ELAPOR2: variants seen among roughly 807,000 people sequenced by gnomAD.
The protein encoded by ELAPOR2 is endosome-lysosome associated apoptosis and autophagy regulator family member 2, also known as endosome/lysosome-associated apoptosis and autophagy regulator family member 2.
A neutral mutation model predicts 120.7 loss-of-function variants in ELAPOR2; 89 were observed. The ratio of observed to expected loss-of-function variants is 0.74; its 90% CI spans 0.62 to 0.88. ELAPOR2 has a LOEUF of 0.88. Among genes scored for constraint, ELAPOR2 ranks in the 40% least tolerant of loss-of-function variants. The probability of loss-of-function intolerance (pLI) is 0.00; values close to 1 mark genes in which losing one functional copy is unlikely to be tolerated. For missense variants in ELAPOR2, 1,134 were observed against 1,251.6 expected, an observed-to-expected ratio of 0.91 and a Z score of 1.42; for synonymous variants, 444 against 444.9, an observed-to-expected ratio of 1.00 and a Z score of 0.03.
rs1354462065 is a variant in ELAPOR2, at chr7:86,878,772, C to T, written c.*1699G>A. On this transcript the variant is annotated 3_prime_UTR_variant, in exon 22 of 22. Transcript: ENST00000450689. ...CAACATAATGTCTTCTTTATAAGAA[C>T]ATTCAAGAAATTAAATGCAAAAAAA... 4 of 152,126 alleles carry T rather than the reference C, an allele frequency of 2.6e-5. No individual in the cohort carries two copies. The highest frequency in any genetic ancestry group is 9.7e-5 in the African/African-American group (4 of 41,448). 9.4% of individuals were successfully genotyped at this position (152,126 alleles called of 1,614,324 possible). A position where few individuals can be genotyped will look rare whatever the true frequency, so the allele number is the denominator to read the frequency against.
chr7:86,908,483 G>A lies in ELAPOR2; in HGVS notation c.2420C>T (p.Pro807Leu). 3.2e-6 allele frequency: 5 copies of A among 1,587,250 alleles called. No individual in the cohort carries two copies. Among genetic ancestry groups the A allele is most frequent in the Non-Finnish European group, 4.3e-6 (5 of 1,165,422 alleles). ...ATGCACATCTGGTATTTGGCTTGTT[G>A]GAACTGGGAACATATCTTCTTTTAT... ...INIKEDMFPV[P>L]TSQIPDVHFF... Residue 807 changes from proline (P) to leucine (L), a missense_variant, in exon 17 of 22, where the codon CCA becomes CTA. Transcript: ENST00000450689.
Position 86,926,936 on chromosome 7 carries a change from A to AAAAAAGC in ELAPOR2, c.1090-27_1090-21dup. 5 of 1,483,942 alleles carry AAAAAAGC rather than the reference A, an allele frequency of 3.4e-6. No homozygotes were observed. Among genetic ancestry groups the AAAAAAGC allele is most frequent in the Non-Finnish European group, 3.6e-6 (4 of 1,123,824 alleles). 91.9% of individuals were successfully genotyped at this position (1,483,942 alleles called of 1,614,324 possible). On this transcript the variant is annotated intron_variant, in intron 8 of 21. Transcript: ENST00000450689. The stretch of plus-strand genomic sequence containing the variant: ...CTGTGTCTACAAAAAAAAAAAAAAA[A>AAAAAAGC]AAAAAGCAACCAAGTCATATAACAT...
At chr7:86,945,148 G>T (rs974426316) in intron 3 of ELAPOR2, 102 bp from the exon 4 acceptor site, 1 of 1,065,872 alleles carries the variant, frequency 9.4e-7, no homozygotes, top group East Asian at 2.9e-5. Context: ...CATCAGCAAA[G>T]TACAGCAGAA....
At chr7:87,042,917 G>C (rs866675739) in intron 1 of ELAPOR2, among the ~76,000 whole-genome samples, 1 of 152,074 alleles carries the variant, frequency 6.6e-6, no homozygotes, top group Non-Finnish European at 1.5e-5. Context: ...AATAAAAAAT[G>C]ATAAAGGGGA....
At chr7:87,017,019 GA>G (rs1793891333) in intron 1 of ELAPOR2, among the ~76,000 whole-genome samples, 1 of 151,702 alleles carries the variant, frequency 6.6e-6, no homozygotes, top group South Asian at 2.1e-4. Flanking sequence ...TCCACAGTTG[GA>G]AAAATAAATT....
intron 1 of ELAPOR2, among the ~76,000 whole-genome samples, chr7:87,036,603 T>TA (rs1794596540): frequency 6.6e-6 from 1 of 152,132 alleles, no homozygotes; most frequent in Admixed American, 6.5e-5. Context: ...TATAGAGCCA[T>TA]AAAAAACAAC....
intron 19 of ELAPOR2, among the ~76,000 whole-genome samples, chr7:86,895,450 A>G (rs1788394208): frequency 6.6e-6 from 1 of 152,128 alleles, no homozygotes; most frequent in Non-Finnish European, 1.5e-5. Context: ...GTATCTAAGC[A>G]TAACAGAAGG....
chr7:86,908,626 C>T (rs944128603), intron 16 of ELAPOR2, 83 bp from the exon 17 acceptor site: 8 of 595,110 alleles, frequency 1.3e-5, no homozygotes, highest in Non-Finnish European at 2.0e-5. Flanking sequence ...TAGAAAATAG[C>T]TTTAATGACT....
At chr7:87,041,717 A>C (rs944925282) in intron 1 of ELAPOR2, among the ~76,000 whole-genome samples, 2 of 152,036 alleles carry the variant, frequency 1.3e-5, no homozygotes, top group East Asian at 1.9e-4. Context: ...CGAGCAAAAT[A>C]ACCAGCTAAC....
intron 1 of ELAPOR2, among the ~76,000 whole-genome samples, chr7:86,975,551 T>C (rs533078356): frequency 3.3e-5 from 5 of 152,204 alleles, no homozygotes; most frequent in African/African-American, 9.6e-5. Context: ...AGACACCTGC[T>C]GTTCTGTCTG....
intron 21 of ELAPOR2, among the ~76,000 whole-genome samples, chr7:86,885,182 C>G (rs575603872): frequency 6.6e-6 from 1 of 152,260 alleles, no homozygotes; most frequent in Admixed American, 6.5e-5. Flanking sequence ...GCAAGAAATA[C>G]TCTGGATTAA....
intron 1 of ELAPOR2, chr7:86,965,871 C>T: frequency 2.0e-6 from 2 of 985,090 alleles, no homozygotes; most frequent in Non-Finnish European, 2.4e-6. Context: ...TGTTTTGCCT[C>T]CCTCACTGTG....
intron 18 of ELAPOR2, among the ~76,000 whole-genome samples, chr7:86,907,069 A>G (rs1789056553): frequency 6.6e-6 from 1 of 152,144 alleles, no homozygotes; most frequent in South Asian, 2.1e-4. Context: ...AGCGAACTGC[A>G]TTATTCAGAT....
Position 86,947,786 on chromosome 7 carries a change from G to C in ELAPOR2, c.447C>G (p.Ile149Met). 6.4e-7 allele frequency: 1 copy of C among 1,551,744 alleles called. No homozygotes were observed. ...CCACCACAGTGTCCATGAATGTTGC[G>C]ATGTTAGAAAATCCTGCCGGCAATT... ...WDELPAGFSN[I>M]ATFMDTVVGP... is the part of the protein sequence containing the mutation. The change falls in exon 3 of 22, where the codon ATC becomes ATG. Residue 149 changes from isoleucine to methionine, a missense_variant. Coordinates refer to ENST00000450689, the MANE Select transcript of ELAPOR2 (RefSeq NM_001142749.3).
intron 1 of ELAPOR2, among the ~76,000 whole-genome samples, chr7:87,004,268 A>C (rs1403570569): frequency 6.6e-6 from 1 of 152,228 alleles, no homozygotes; most frequent in Non-Finnish European, 1.5e-5. Flanking sequence ...TGTTTCCAAA[A>C]TGAAGGCAAA....
chr7:86,974,784 A>T (rs1283649947), intron 1 of ELAPOR2, among the ~76,000 whole-genome samples: 2 of 149,916 alleles, frequency 1.3e-5, no homozygotes, highest in African/African-American at 2.4e-5. Context: ...GCCAAGACAT[A>T]AAAAAAAATT....
chr7:86,950,051 A>G (rs980033153), intron 2 of ELAPOR2, among the ~76,000 whole-genome samples: 3 of 152,108 alleles, frequency 2.0e-5, no homozygotes, highest in African/African-American at 7.2e-5. Flanking sequence ...ATCAGCACAC[A>G]CTTCCTCCCT....
Position 86,892,913 on chromosome 7 carries a change from G to A in ELAPOR2, c.2864+9C>T. On this transcript the variant is annotated intron_variant, in intron 20 of 21. Coordinates refer to ENST00000450689, the MANE Select transcript of ELAPOR2 (RefSeq NM_001142749.3). Reference sequence around the variant, plus strand: ...TAGCTCTCTTGTGATCATCTCAGAGGGTACTTACTTTTGATTCTTTTTCCA... The same window carrying A: ...TAGCTCTCTTGTGATCATCTCAGAGAGTACTTACTTTTGATTCTTTTTCCA... 6.6e-7 allele frequency: 1 copy of A among 1,522,798 alleles called. No individual in the cohort carries two copies. The highest frequency in any genetic ancestry group is 1.4e-5 in the South Asian group (1 of 73,598). 94.3% of individuals were successfully genotyped at this position (1,522,798 alleles called of 1,614,324 possible).
rs1279621525 is a variant in ELAPOR2, at chr7:86,879,261, T to C, written c.*1210A>G. The stretch of plus-strand genomic sequence containing the variant: ...CTTCATTCATACTTCCTTCAACAAA[T>C]AATATCCAAGTCGTGCTAATACCAG... On this transcript the variant is annotated 3_prime_UTR_variant, in exon 22 of 22. Coordinates refer to ENST00000450689, the MANE Select transcript of ELAPOR2 (RefSeq NM_001142749.3). The C allele has an allele frequency of 1.3e-5, 2 of 152,142 alleles. No homozygotes were observed. The highest frequency in any genetic ancestry group is 2.9e-5 in the Non-Finnish European group (2 of 68,014). 9.4% of individuals were successfully genotyped at this position (152,142 alleles called of 1,614,324 possible). A position where few individuals can be genotyped will look rare whatever the true frequency, so the allele number is the denominator to read the frequency against.
Sources: gnomAD v4.1 joint callset for allele counts (sites outside exome capture counted in the v4.1 genomes callset) on GRCh38, gnomAD v4.1.1 for gene constraint, MANE v1.5 for transcripts, NCBI Gene and HGNC (gene_info 2026-07-23, HGNC 2026-07-21) for gene names.